The following NLN variants were observed in gnomAD, a reference collection of about 807,000 sequenced individuals.
NLN encodes the protein neurolysin, also known as neurolysin, mitochondrial.
In NLN, 64 loss-of-function variants were observed where a neutral mutation model predicts 79.9. That is an observed-to-expected ratio of 0.80 (90% CI 0.65 to 0.99). The LOEUF (loss-of-function observed/expected upper bound fraction) is 0.99, where lower values mean the gene tolerates loss of function less well. NLN is among the 50% of genes least tolerant of loss of function. The pLI is 0.00. For synonymous variants in NLN, 267 were observed against 296.6 expected (o/e 0.90, Z 1.02); for missense variants, 835 against 858.7 (o/e 0.97, Z 0.34).
In NLN at chr5:65,738,097, C is replaced by G. The variant is rs146793257; in HGVS notation, c.41+15683C>G. Among the ~76,000 whole-genome samples the G allele has an allele frequency of 4.6e-3, 699 of 150,930 alleles. 3 individuals carry two copies. The highest frequency in any genetic ancestry group is 0.016 in the African/African-American group (659 of 40,974). ...TGAGCCAAGATTGCACCATGGCACT[C>G]CAGCCTGGGTGACAGAGCTAGACCT... On this transcript the variant is annotated intron_variant, in intron 1 of 12. Transcript: ENST00000380985.
At chr5:65,763,527 A>G (rs913084117) in intron 3 of NLN, among the ~76,000 whole-genome samples, 11 of 151,890 alleles carry the variant, frequency 7.2e-5, no homozygotes, top group Non-Finnish European at 1.3e-4. Flanking sequence ...TCATCCTTAC[A>G]TTTTTCAAGA....
chr5:65,781,191 C>A, intron 5 of NLN, 70 bp from the exon 6 acceptor site: 1 of 895,964 alleles, frequency 1.1e-6, no homozygotes. Flanking sequence ...TACCAAAAGG[C>A]ACCATGCCAA....
intron 1 of NLN, among the ~76,000 whole-genome samples, chr5:65,727,048 A>ATT (rs1758489503): frequency 1.3e-5 from 2 of 152,208 alleles, no homozygotes; most frequent in African/African-American, 4.8e-5. Flanking sequence ...TGTTCAGCCA[A>ATT]CTTCTTGGGA....
In NLN at chr5:65,812,312, A is replaced by G; in HGVS notation, c.1901A>G (p.Tyr634Cys). ...HLAGGYDGQY[Y>C]GYLWSEVFSM... ...GCAGGGGGATACGATGGCCAATATT[A>G]TGGATATCTTTGGAGTGAAGTATTT... The change falls in exon 12 of 13, where the codon TAT becomes TGT. Residue 634 changes from tyrosine to cysteine, a missense_variant. By Grantham distance (194) the Tyr-to-Cys change is radical. Coordinates refer to ENST00000380985, the MANE Select transcript of NLN (RefSeq NM_020726.5). 6.2e-7 allele frequency: 1 copy of G among 1,605,664 alleles called. No homozygotes were observed. Among genetic ancestry groups the G allele is most frequent in the Non-Finnish European group, 8.5e-7 (1 of 1,172,352 alleles).
At chr5:65,815,316 TC>T (rs1269600232) in intron 12 of NLN, among the ~76,000 whole-genome samples, 1 of 152,202 alleles carries the variant, frequency 6.6e-6, no homozygotes, top group Non-Finnish European at 1.5e-5. Flanking sequence ...TAGAAGCAAT[TC>T]CTGCATTGTC....
At chr5:65,733,136 T>C in intron 1 of NLN, 1 of 1,465,814 alleles carries the variant, frequency 6.8e-7, no homozygotes, top group Admixed American at 1.7e-5. Context: ...TATTCTGTCA[T>C]GCTTACCTAG....
chr5:65,822,382 G>GT (rs1760822198), intron 12 of NLN, among the ~76,000 whole-genome samples: 1 of 152,230 alleles, frequency 6.6e-6, no homozygotes. Flanking sequence ...CCATGCTACT[G>GT]TTTCTGAGTA....
chr5:65,739,012 T>TAAAAAA (rs1473631456), intron 1 of NLN, among the ~76,000 whole-genome samples: 1 of 116,190 alleles, frequency 8.6e-6, no homozygotes, highest in Non-Finnish European at 1.8e-5. Context: ...TAATATATAT[T>TAAAAAA]TATATATATA....
chr5:65,755,058 A>G (rs1178725990), intron 1 of NLN, among the ~76,000 whole-genome samples: 1 of 152,122 alleles, frequency 6.6e-6, no homozygotes, highest in African/African-American at 2.4e-5. Context: ...CTATAACCTG[A>G]CTACTCCCAT....
chr5:65,747,601 A>G (rs1759012356), intron 1 of NLN, among the ~76,000 whole-genome samples: 1 of 152,120 alleles, frequency 6.6e-6, no homozygotes, highest in African/African-American at 2.4e-5. Flanking sequence ...CTCCTGTACC[A>G]TGAGGGGCCT....
intron 7 of NLN, among the ~76,000 whole-genome samples, chr5:65,787,069 C>T (rs1234642666): frequency 6.6e-6 from 1 of 152,052 alleles, no homozygotes; most frequent in African/African-American, 2.4e-5. Context: ...TAGTAACCAC[C>T]TGATTAACTT....
chr5:65,744,914 TATC>T (rs1484558888), intron 1 of NLN, among the ~76,000 whole-genome samples: 2 of 152,168 alleles, frequency 1.3e-5, no homozygotes, highest in Non-Finnish European at 2.9e-5. Context: ...AGCTGAACCT[TATC>T]AATAAAAGAT....
chr5:65,749,858 C>T (rs1278885638), intron 1 of NLN, among the ~76,000 whole-genome samples: 2 of 152,066 alleles, frequency 1.3e-5, no homozygotes, highest in East Asian at 1.9e-4. Context: ...TACCCTTGGC[C>T]CTGCTCCCTA....
Position 65,810,155 on chromosome 5 carries a change from A to G in NLN, c.1833A>G (p.Ala611=). The G allele has an allele frequency of 1.2e-6, 2 of 1,613,810 alleles. No homozygotes were observed. The highest frequency in any genetic ancestry group is 1.1e-5 in the South Asian group (1 of 91,076). ...AKYCSEILGV[A]ATPGTNMPAT... ...ACTGCTCAGAAATATTAGGAGTTGC[A>G]GCTACTCCAGGTATGTAACTACTAT... The change falls in exon 11 of 13, where the codon GCA becomes GCG. Residue 611 remains alanine (A), a synonymous_variant. Coordinates refer to ENST00000380985, the MANE Select transcript of NLN (RefSeq NM_020726.5).
intron 9 of NLN, among the ~76,000 whole-genome samples, chr5:65,796,638 A>G (rs1489487903): frequency 6.6e-6 from 1 of 152,212 alleles, no homozygotes; most frequent in South Asian, 2.1e-4. Flanking sequence ...GATAGCCTGT[A>G]ATATTTTAAG....
intron 1 of NLN, among the ~76,000 whole-genome samples, chr5:65,744,473 T>C (rs540173981): frequency 0.024 from 1,763 of 74,340 alleles, 29 homozygotes; most frequent in African/African-American, 0.098. Context: ...CTCTCTCCCC[T>C]TTTTTTTTTT....
chr5:65,796,626 C>T (rs1261648141), intron 9 of NLN, among the ~76,000 whole-genome samples: 1 of 152,226 alleles, frequency 6.6e-6, no homozygotes, highest in African/African-American at 2.4e-5. Context: ...TTAATCCTTT[C>T]AGATAGCCTG....
At chr5:65,781,912 G>A (rs1461531917) in intron 6 of NLN, among the ~76,000 whole-genome samples, 1 of 152,096 alleles carries the variant, frequency 6.6e-6, no homozygotes, top group African/African-American at 2.4e-5. Context: ...CTTCCTGGTT[G>A]TAGCTTCTCA....
At chr5:65,816,674 C>T (rs545184195) in intron 12 of NLN, among the ~76,000 whole-genome samples, 1 of 152,212 alleles carries the variant, frequency 6.6e-6, no homozygotes, top group South Asian at 2.1e-4. Context: ...AAACTCGGTG[C>T]ATTTGCTTTA....
Sources: allele counts gnomAD v4.1 joint callset (sites outside exome capture counted in the v4.1 genomes callset), GRCh38; gene constraint gnomAD v4.1.1; transcripts MANE v1.5; gene names NCBI Gene and HGNC (gene_info 2026-07-23, HGNC 2026-07-21).